Variants in NLE1 observed in about 807,000 individuals in gnomAD.
NLE1 encodes notchless homolog 1.
In NLE1, 37 loss-of-function variants were observed where a neutral mutation model predicts 62.8. That is an observed-to-expected ratio of 0.59 (90% CI 0.45 to 0.78). The LOEUF (loss-of-function observed/expected upper bound fraction) is 0.78. Ranked by LOEUF, NLE1 falls within the 30% of genes least tolerant of loss-of-function variation. NLE1 has a pLI of 0.00. For missense variants in NLE1, 555 were observed against 637.9 expected (o/e 0.87, Z 1.40); for synonymous variants, 243 against 253.0 (o/e 0.96, Z 0.37).
At chr17:35,136,534 C>A in intron 7 of NLE1, 37 bp from the exon 8 acceptor site, 3 of 1,585,964 alleles carry the variant, frequency 1.9e-6, no homozygotes, top group Non-Finnish European at 2.6e-6. Flanking sequence ...ACACACACTC[C>A]TCCCCACGCC....
rs372341617 is a variant in NLE1, at chr17:35,130,384, C to A, written c.*2053G>T. The A allele has an allele frequency of 8.1e-5, 131 of 1,613,970 alleles. No homozygotes were observed. The South Asian group carries it at 1.4e-3, about 17-fold the overall frequency. On this transcript the variant is annotated 3_prime_UTR_variant, in exon 13 of 13. Coordinates refer to ENST00000442241, the MANE Select transcript of NLE1 (RefSeq NM_018096.5). ...CCGGCAAAAGATCGTGTCCATCGGG[C>A]CGGAGGAGATGCGGAGGCTGGAGGA... is the stretch of plus-strand genomic sequence containing the variant.
chr17:35,136,118 G>T, intron 9 of NLE1, 51 bp downstream of exon 9: 1 of 1,588,530 alleles, frequency 6.3e-7, no homozygotes, highest in Non-Finnish European at 8.6e-7. Flanking sequence ...TTTAGTGATT[G>T]GCTAAGGACT....
Position 35,130,358 on chromosome 17 carries a change from C to T in NLE1, c.*2079G>A. On this transcript the variant is annotated 3_prime_UTR_variant, in exon 13 of 13. Transcript: ENST00000442241. ...CAGATCACCGTGCGGCGCAAGGAAC[C>T]CCGGCAAAAGATCGTGTCCATCGGG... 1 of 1,614,120 alleles carries T rather than the reference C, an allele frequency of 6.2e-7. No homozygotes were observed. Among genetic ancestry groups the T allele is most frequent in the Non-Finnish European group, 8.5e-7 (1 of 1,180,016 alleles).
chr17:35,133,119 C>CCTTAGGGGTA, intron 12 of NLE1, 52 bp downstream of exon 12: 1 of 1,531,918 alleles, frequency 6.5e-7, no homozygotes, highest in Non-Finnish European at 9.0e-7. Context: ...CACAGAAGGA[C>CCTTAGGGGTA]CTTAGGGGTA....
rs2091866313 is a variant in NLE1 at position 35,129,939 on chromosome 17, C to T, written c.*2498G>A. 1 of 1,375,474 alleles carries T rather than the reference C, an allele frequency of 7.3e-7. No individual in the cohort carries two copies. Among genetic ancestry groups the T allele is most frequent in the South Asian group, 1.7e-5 (1 of 59,824 alleles). 85.2% of individuals were successfully genotyped at this position (1,375,474 alleles called of 1,614,324 possible). A position where few individuals can be genotyped will look rare whatever the true frequency, so the allele number is the denominator to read the frequency against. ...GGTTTTTAGACTCTGCAATTCAGTGCCCATGATTGTGAGTAGGCTGGGAAG... is the reference window on the plus strand; with the variant it reads ...GGTTTTTAGACTCTGCAATTCAGTGTCCATGATTGTGAGTAGGCTGGGAAG... On this transcript the variant is annotated 3_prime_UTR_variant, in exon 13 of 13. Coordinates refer to ENST00000442241, the MANE Select transcript of NLE1 (RefSeq NM_018096.5).
chr17:35,141,866 G>T, intron 2 of NLE1, 113 bp downstream of exon 2: 2 of 1,251,416 alleles, frequency 1.6e-6, no homozygotes, highest in South Asian at 1.4e-5. Context: ...CGCCAGGTGG[G>T]TCACCACAGT....
chr17:35,132,353 C>T lies in NLE1; in HGVS notation c.*84G>A. On this transcript the variant is annotated 3_prime_UTR_variant, in exon 13 of 13. Transcript: ENST00000442241. ...ACTGGTGGGGAGGGTGTGTGCACTG[C>T]CATCTCAGCCTTTGTTCTCTGGCAG... 1.6e-6 allele frequency: 2 copies of T among 1,254,880 alleles called. No homozygotes were observed. Among genetic ancestry groups the T allele is most frequent in the Non-Finnish European group, 2.1e-6 (2 of 940,052 alleles). 77.7% of individuals were successfully genotyped at this position (1,254,880 alleles called of 1,614,324 possible). A position where few individuals can be genotyped will look rare whatever the true frequency, so the allele number is the denominator to read the frequency against.
At position 35,132,415 on chromosome 17, in the gene NLE1, T is replaced by C; in HGVS notation, c.*22A>G. 6.9e-7 allele frequency: 1 copy of C among 1,440,262 alleles called. No individual in the cohort carries two copies. The highest frequency in any genetic ancestry group is 9.1e-7 in the Non-Finnish European group (1 of 1,093,202). The allele number at this position is 1,440,262 out of a possible 1,614,324, so 89.2% of individuals were successfully genotyped here. A position where few individuals can be genotyped will look rare whatever the true frequency, so the allele number is the denominator to read the frequency against. ...GGCAGAGGCCGAGTCGAGGTGGGGG[T>C]CAGAGAGAACTTCGGGCCGTCTCAT... On this transcript the variant is annotated 3_prime_UTR_variant, in exon 13 of 13. Coordinates refer to ENST00000442241, the MANE Select transcript of NLE1 (RefSeq NM_018096.5).
intron 1 of NLE1, 44 bp downstream of exon 1, chr17:35,142,214 G>C: frequency 6.4e-7 from 1 of 1,565,576 alleles, no homozygotes; most frequent in African/African-American, 1.3e-5. Flanking sequence ...CCGGGCCCTA[G>C]CGCCCCGCGG....
In NLE1 at chr17:35,136,186, G is replaced by A. The variant is rs753158734; in HGVS notation, c.994C>T (p.Arg332Ter). 4.3e-6 allele frequency: 7 copies of A among 1,614,170 alleles called. No homozygotes were observed. Among genetic ancestry groups the A allele is most frequent in the Non-Finnish European group, 5.1e-6 (6 of 1,180,022 alleles). ...ACACTCACCCGCACGAGGTTGTATCGGCTCAGAGCCCTCTCCTTCAACTCC... is the reference window on the plus strand; with the variant it reads ...ACACTCACCCGCACGAGGTTGTATCAGCTCAGAGCCCTCTCCTTCAACTCC... ...LQELKERALS[R>*]YNLVRGQGPE... The change falls in exon 9 of 13, where the codon CGA becomes TGA. Residue 332 changes from arginine (R) to a stop codon, truncating the protein, a stop_gained. Transcript: ENST00000442241. LOFTEE classifies it high-confidence loss of function.
At position 35,130,537 on chromosome 17, in the gene NLE1, C is replaced by T; in HGVS notation, c.*1900G>A. On this transcript the variant is annotated 3_prime_UTR_variant, in exon 13 of 13. Coordinates refer to ENST00000442241, the MANE Select transcript of NLE1 (RefSeq NM_018096.5). ...ACCATACCACCAGCACCCTGCGGGCCCGGGGTCTGGCAGAGTGGTATGGGC... is the reference window on the plus strand; with the variant it reads ...ACCATACCACCAGCACCCTGCGGGCTCGGGGTCTGGCAGAGTGGTATGGGC... 1 of 1,298,970 alleles carries T rather than the reference C, an allele frequency of 7.7e-7. No individual in the cohort carries two copies. Among genetic ancestry groups the T allele is most frequent in the Non-Finnish European group, 1.1e-6 (1 of 950,124 alleles). 80.5% of individuals were successfully genotyped at this position (1,298,970 alleles called of 1,614,324 possible). A position where few individuals can be genotyped will look rare whatever the true frequency, so the allele number is the denominator to read the frequency against.
Position 35,130,200 on chromosome 17 carries a change from A to G in NLE1, c.*2237T>C. 1 of 1,540,310 alleles carries G rather than the reference A, an allele frequency of 6.5e-7. No individual in the cohort carries two copies. Among genetic ancestry groups the G allele is most frequent in the Non-Finnish European group, 8.7e-7 (1 of 1,146,284 alleles). Reference sequence around the variant, plus strand: ...TTAAGGTCTGAGTCAGCAGACAGAAAAAAAAGGGGTGATAGAGACAGAGAG... The same window carrying G: ...TTAAGGTCTGAGTCAGCAGACAGAAGAAAAAGGGGTGATAGAGACAGAGAG... On this transcript the variant is annotated 3_prime_UTR_variant, in exon 13 of 13. Transcript: ENST00000442241.
At position 35,136,546 on chromosome 17, in the gene NLE1, G is replaced by A. The variant is rs767640701; in HGVS notation, c.829-49C>T. ...GACACACACACTCCTCCCCACGCCT[G>A]GGCGATTAGCCCCAGGAGACAGGTG... On this transcript the variant is annotated intron_variant, in intron 7 of 12. Transcript: ENST00000442241. 2.7e-4 allele frequency: 428 copies of A among 1,580,272 alleles called. 9 individuals carry two copies. In the East Asian group the frequency reaches 9.6e-3, roughly 36 times the overall value.
intron 7 of NLE1, 33 bp from the exon 8 acceptor site, chr17:35,136,530 A>G (rs1175202788): frequency 1.6e-5 from 25 of 1,587,954 alleles, no homozygotes; most frequent in Non-Finnish European, 2.2e-5. Flanking sequence ...AGACACACAC[A>G]CTCCTCCCCA....
chr17:35,136,296 C>T (rs2142504651), intron 8 of NLE1, 66 bp downstream of exon 8: 2 of 1,610,132 alleles, frequency 1.2e-6, no homozygotes, highest in South Asian at 1.1e-5. Flanking sequence ...GCAAACACTC[C>T]CCATTAAGCT....
chr17:35,140,503 A>G lies in NLE1; in HGVS notation c.163-437T>C, dbSNP rs1018513676. ...CTCGGCCTCCCAAAGTGCTGGGATT[A>G]CAGGCGTGAGCCACTGTGCCCAGCC... On this transcript the variant is annotated intron_variant, in intron 2 of 12. Coordinates refer to ENST00000442241, the MANE Select transcript of NLE1 (RefSeq NM_018096.5). 1.3e-5 allele frequency among the ~76,000 whole-genome samples: 2 copies of G among 152,200 alleles called. 1 individual carries two copies. Among genetic ancestry groups the G allele is most frequent in the African/African-American group, 4.8e-5 (2 of 41,458 alleles).
chr17:35,129,504 A>G lies in NLE1; in HGVS notation c.*2933T>C, dbSNP rs1339925424. On this transcript the variant is annotated 3_prime_UTR_variant, in exon 13 of 13. Coordinates refer to ENST00000442241, the MANE Select transcript of NLE1 (RefSeq NM_018096.5). ...CAGGAGGTGGCCAAGACACAGGAGA[A>G]TGAGTTGCCCGAGGCAAAGAATCGT... is the stretch of plus-strand genomic sequence containing the variant. The G allele has an allele frequency of 2.5e-6, 4 of 1,614,080 alleles. No individual in the cohort carries two copies. The highest frequency in any genetic ancestry group is 3.4e-6 in the Non-Finnish European group (4 of 1,180,030).
At chr17:35,139,115 G>A (rs1321024291) in intron 4 of NLE1, 120 bp downstream of exon 4, 1 of 796,704 alleles carries the variant, frequency 1.3e-6, no homozygotes, top group Admixed American at 2.5e-5. Context: ...GGAGTTCAAG[G>A]CTTGAGCCCA....
In NLE1 at chr17:35,130,579, G is replaced by A. The variant is rs969951012; in HGVS notation, c.*1858C>T. ...GGTATGGGCACCCCACCCCTGGGCT[G>A]GGGCCAAGGCTACATAGGGGCCCCA... On this transcript the variant is annotated 3_prime_UTR_variant, in exon 13 of 13. Transcript: ENST00000442241. The A allele has an allele frequency of 1.2e-4, 102 of 869,628 alleles. 1 individual carries two copies. The highest frequency in any genetic ancestry group is 2.4e-5 in the Non-Finnish European group (14 of 583,026). 53.9% of individuals were successfully genotyped at this position (869,628 alleles called of 1,614,324 possible).
Sources: allele counts gnomAD v4.1 joint callset (sites outside exome capture counted in the v4.1 genomes callset), GRCh38; gene constraint gnomAD v4.1.1; transcripts MANE v1.5; gene names NCBI Gene and HGNC (gene_info 2026-07-23, HGNC 2026-07-21).